The following FREM3 variants were observed in gnomAD, a reference collection of about 807,000 sequenced individuals.
FREM3 encodes FRAS1 related extracellular matrix 3.
A neutral mutation model predicts 129.1 loss-of-function variants in FREM3; 105 were observed. The ratio of observed to expected loss-of-function variants is 0.81; its 90% CI spans 0.69 to 0.96. FREM3 has a LOEUF of 0.96. Among genes scored for constraint, FREM3 ranks in the 40% least tolerant of loss-of-function variants. FREM3 has a pLI of 0.00. For missense variants in FREM3, 2,593 were observed against 2,666.3 expected (o/e 0.97, Z 0.61); for synonymous variants, 1,014 against 1,044.9 (o/e 0.97, Z 0.57).
chr4:143,577,705 A>G lies in FREM3; in HGVS notation c.6326T>C (p.Met2109Thr). Reference sequence around the variant, plus strand: ...ATTTGGTTCTCCAAGCACTGCACCCATAGGCATCTGAAGAAGTAATTCAAA... The same window carrying G: ...ATTTGGTTCTCCAAGCACTGCACCCGTAGGCATCTGAAGAAGTAATTCAAA... ...EKFELLLQMP[M>T]GAVLGEPNKT... The change falls in exon 8 of 8, where the codon ATG (methionine) becomes ACG (threonine). Residue 2109 changes from methionine to threonine, a missense_variant. Physicochemically the swap from Met to Thr is moderately conservative, Grantham distance 81. Around this residue, in one of 2 missense-constraint regions of FREM3, gnomAD observed 317 missense variants for 399.0 expected, o/e 0.79. Transcript: ENST00000329798. The G allele has an allele frequency of 6.5e-7, 1 of 1,537,298 alleles. No homozygotes were observed. Among genetic ancestry groups the G allele is most frequent in the Non-Finnish European group, 8.7e-7 (1 of 1,146,910 alleles).
intron 6 of FREM3, among the ~76,000 whole-genome samples, chr4:143,591,929 C>T (rs1448901638): frequency 1.3e-5 from 2 of 152,302 alleles, no homozygotes; most frequent in African/African-American, 4.8e-5. Context: ...TGCTCCTGTA[C>T]TGGGTACATA....
intron 2 of FREM3, among the ~76,000 whole-genome samples, chr4:143,683,567 G>A (rs1031052700): frequency 6.6e-6 from 1 of 152,064 alleles, no homozygotes; most frequent in African/African-American, 2.4e-5. Flanking sequence ...GCATCACAGG[G>A]ATCCAACGGG....
chr4:143,676,479 C>T (rs1740127059), intron 2 of FREM3, among the ~76,000 whole-genome samples: 1 of 152,122 alleles, frequency 6.6e-6, no homozygotes, highest in Non-Finnish European at 1.5e-5. Flanking sequence ...TGAAAACTGG[C>T]ACAAGACAGG....
intron 2 of FREM3, among the ~76,000 whole-genome samples, chr4:143,692,266 A>C (rs1201358273): frequency 6.6e-6 from 1 of 152,170 alleles, no homozygotes; most frequent in Non-Finnish European, 1.5e-5. Flanking sequence ...TCAAGGTCAC[A>C]CGGGACAAGT....
At position 143,700,141 on chromosome 4, in the gene FREM3, C is replaced by T. The variant is rs200971115; in HGVS notation, c.535G>A (p.Glu179Lys). 197 of 1,537,056 alleles carry T rather than the reference C, an allele frequency of 1.3e-4. 2 individuals are homozygous for T. In the African/African-American group the frequency reaches 2.4e-3, roughly 19 times the overall value. ...LVTRNRPLVV[E>K]KLRSWSRAID... Reference sequence around the variant, plus strand: ...GCGCGGCTCCAGCTTCGCAGCTTCTCCACTACCAAAGGCCTGTTACGCGTC... The same window carrying T: ...GCGCGGCTCCAGCTTCGCAGCTTCTTCACTACCAAAGGCCTGTTACGCGTC... The change falls in exon 1 of 8, where the codon GAG becomes AAG. Residue 179 changes from glutamate (E) to lysine (K), a missense_variant. Around this residue, in one of 2 missense-constraint regions of FREM3, gnomAD observed 2,276 missense variants for 2,267.2 expected, o/e 1.00. Coordinates refer to ENST00000329798, the MANE Select transcript of FREM3 (RefSeq NM_001168235.2).
rs375578079 is a variant in FREM3, at chr4:143,577,577, A to G, written c.*34T>C. The G allele has an allele frequency of 1.8e-5, 28 of 1,521,966 alleles. No individual in the cohort carries two copies. In the East Asian group the frequency reaches 2.0e-4, roughly 11 times the overall value. 94.3% of individuals were successfully genotyped at this position (1,521,966 alleles called of 1,614,324 possible). A position where few individuals can be genotyped will look rare whatever the true frequency, so the allele number is the denominator to read the frequency against. ...GAGTTTCATTCTGTTGTTAGGAGACATATCTTGGCTGTTTTTTTCCCTCTT... is the reference window on the plus strand; with the variant it reads ...GAGTTTCATTCTGTTGTTAGGAGACGTATCTTGGCTGTTTTTTTCCCTCTT... On this transcript the variant is annotated 3_prime_UTR_variant, in exon 8 of 8. Transcript: ENST00000329798.
chr4:143,607,653 G>A (rs1738689673), intron 6 of FREM3, among the ~76,000 whole-genome samples: 1 of 152,114 alleles, frequency 6.6e-6, no homozygotes, highest in Non-Finnish European at 1.5e-5. Context: ...TTTTCTTAAA[G>A]ACAAGAAGAG....
chr4:143,678,501 T>A (rs1207134766), intron 2 of FREM3, among the ~76,000 whole-genome samples: 1 of 152,016 alleles, frequency 6.6e-6, no homozygotes, highest in East Asian at 1.9e-4. Context: ...GTAACAAACC[T>A]GCACATTGTG....
At chr4:143,658,266 C>A (rs1739635790) in intron 2 of FREM3, among the ~76,000 whole-genome samples, 1 of 151,976 alleles carries the variant, frequency 6.6e-6, no homozygotes, top group African/African-American at 2.4e-5. Flanking sequence ...AAGGTTCTGC[C>A]CTCACAAATG....
chr4:143,646,710 G>A (rs2198004), intron 2 of FREM3, among the ~76,000 whole-genome samples: 75,721 of 151,946 alleles, frequency 0.5, 19,655 homozygotes, highest in East Asian at 0.7. Flanking sequence ...TCTATCCTTT[G>A]TAAATTACCC....
intron 2 of FREM3, among the ~76,000 whole-genome samples, chr4:143,681,451 G>C (rs1740248510): frequency 6.6e-6 from 1 of 152,126 alleles, no homozygotes; most frequent in African/African-American, 2.4e-5. Context: ...AAACTTGACA[G>C]TATGCTTAAT....
chr4:143,648,161 C>T (rs189136875), intron 2 of FREM3, among the ~76,000 whole-genome samples: 209 of 152,288 alleles, frequency 1.4e-3, no homozygotes, highest in Non-Finnish European at 2.4e-4. Context: ...GGGCCTGTAG[C>T]GCCTTTGTTT....
In FREM3 at chr4:143,696,124, C is replaced by A; in HGVS notation, c.4552G>T (p.Glu1518Ter). ...MDSFEFQVIGELYPVFRTFRI... is the reference protein window; with the variant it reads ...MDSFEFQVIG ...AAGGTTCTGAACACAGGGTAGAGTTCGCCGATCACTTGAAATTCGAAGCTG... is the reference window on the plus strand; with the variant it reads ...AAGGTTCTGAACACAGGGTAGAGTTAGCCGATCACTTGAAATTCGAAGCTG... Residue 1518 changes from glutamate (E) to a stop codon, truncating the protein, a stop_gained, in exon 1 of 8, where the codon GAA (glutamate) becomes TAA (stop). Coordinates refer to ENST00000329798, the MANE Select transcript of FREM3 (RefSeq NM_001168235.2). LOFTEE classifies it high-confidence loss of function. 6.5e-7 allele frequency: 1 copy of A among 1,537,480 alleles called. No homozygotes were observed. The highest frequency in any genetic ancestry group is 1.7e-4 in the Middle Eastern group (1 of 5,992).
chr4:143,659,024 G>A (rs1329938419), intron 2 of FREM3, among the ~76,000 whole-genome samples: 1 of 111,900 alleles, frequency 8.9e-6, no homozygotes, highest in Admixed American at 9.5e-5. Flanking sequence ...CAGATTATAG[G>A]TTATTTTCTT....
In FREM3 at chr4:143,696,110, C is replaced by T. The variant is rs1278786856; in HGVS notation, c.4566G>A (p.Val1522=). 1.9e-5 allele frequency: 29 copies of T among 1,537,362 alleles called. No homozygotes were observed. The highest frequency in any genetic ancestry group is 2.4e-5 in the Non-Finnish European group (27 of 1,146,970). The part of the protein sequence containing the change: ...EFQVIGELYP[V]FRTFRIFITD... ...TGATGAAGATCCTGAAGGTTCTGAA[C>T]ACAGGGTAGAGTTCGCCGATCACTT... Residue 1522 remains valine, a synonymous_variant, in exon 1 of 8, where the codon GTG becomes GTA. Coordinates refer to ENST00000329798, the MANE Select transcript of FREM3 (RefSeq NM_001168235.2).
Position 143,696,715 on chromosome 4 carries a change from G to A in FREM3, c.3961C>T (p.His1321Tyr), listed in dbSNP as rs1345067001. 2.0e-6 allele frequency: 3 copies of A among 1,537,736 alleles called. No individual in the cohort carries two copies. The highest frequency in any genetic ancestry group is 1.7e-6 in the Non-Finnish European group (2 of 1,147,070). Residue 1321 changes from histidine to tyrosine, a missense_variant, in exon 1 of 8, where the codon CAC becomes TAC. By Grantham distance (83) the His-to-Tyr change is moderately conservative. This residue lies in a region of FREM3 where 2,276 missense variants were observed against 2,267.2 expected (regional missense o/e 1.00). Transcript: ENST00000329798. ...VNNGLKVEKG[H>Y]SEIITNRILK... ...ATCCGATTTGTGATGATCTCAGAGT[G>A]TCCTTTCTCTACCTTCAGCCCATTG...
chr4:143,642,026 G>T (rs560322441), intron 2 of FREM3, among the ~76,000 whole-genome samples: 1 of 151,442 alleles, frequency 6.6e-6, no homozygotes, highest in East Asian at 1.9e-4. Context: ...CTTGGATACT[G>T]CCTGCAGTCA....
Position 143,696,915 on chromosome 4 carries a change from C to G in FREM3, c.3761G>C (p.Ser1254Thr), listed in dbSNP as rs770532647. 6.2e-5 allele frequency: 96 copies of G among 1,537,518 alleles called. No individual in the cohort carries two copies. The highest frequency in any genetic ancestry group is 2.3e-5 in the Non-Finnish European group (26 of 1,147,018). Reference sequence around the variant, plus strand: ...CTCCTGGATCTCCTTGAGGGTGAAGCTGTGGATGGGCTGGCTGCCTGTAGC... The same window carrying G: ...CTCCTGGATCTCCTTGAGGGTGAAGGTGTGGATGGGCTGGCTGCCTGTAGC... ...QLATGSQPIH[S>T]FTLKEIQEAS... The change falls in exon 1 of 8, where the codon AGC (serine) becomes ACC (threonine). Residue 1254 changes from serine (S) to threonine (T), a missense_variant. By Grantham distance (58) the Ser-to-Thr change is moderately conservative. Coordinates refer to ENST00000329798, the MANE Select transcript of FREM3 (RefSeq NM_001168235.2).
At chr4:143,686,421 G>A (rs757514675) in intron 2 of FREM3, among the ~76,000 whole-genome samples, 11 of 152,122 alleles carry the variant, frequency 7.2e-5, no homozygotes, top group Non-Finnish European at 1.6e-4. Context: ...AGGTAATGAA[G>A]ACAGAAAGTC....
Sources: allele counts gnomAD v4.1 joint callset (sites outside exome capture counted in the v4.1 genomes callset), GRCh38; gene constraint gnomAD v4.1.1; regional missense constraint gnomAD v4.1.1; transcripts MANE v1.5; gene names NCBI Gene and HGNC (gene_info 2026-07-23, HGNC 2026-07-21).